SLC12A1: variants seen among roughly 807,000 people sequenced by gnomAD.
SLC12A1 encodes the protein Na-K-2Cl cotransporter.
A neutral mutation model predicts 130.4 loss-of-function variants in SLC12A1; 89 were observed. That is an observed-to-expected ratio of 0.68 (90% CI 0.58 to 0.81). The LOEUF (loss-of-function observed/expected upper bound fraction) is 0.81. Ranked by LOEUF, SLC12A1 falls within the 40% of genes least tolerant of loss-of-function variation. The probability of loss-of-function intolerance (pLI) is 0.00; values close to 1 mark genes in which losing one functional copy is unlikely to be tolerated. For synonymous variants in SLC12A1, 499 were observed against 460.0 expected (o/e 1.08, Z -1.09); for missense variants, 1,310 against 1,336.4 (o/e 0.98, Z 0.31).
intron 20 of SLC12A1, among the ~76,000 whole-genome samples, chr15:48,275,878 T>C (rs2041946773): frequency 1.3e-5 from 2 of 152,194 alleles, no homozygotes. Context: ...AATGAGGGAA[T>C]AAGGTGGTCA....
intron 2 of SLC12A1, among the ~76,000 whole-genome samples, chr15:48,210,672 T>C (rs1370088035): frequency 7.1e-6 from 1 of 140,798 alleles, no homozygotes; most frequent in East Asian, 2.1e-4. Context: ...CATGACCAAC[T>C]GGTGAAATCT....
chr15:48,208,464 C>T (rs1450270770), intron 2 of SLC12A1, among the ~76,000 whole-genome samples: 2 of 152,062 alleles, frequency 1.3e-5, no homozygotes, highest in African/African-American at 4.8e-5. Context: ...AGGCATGCAC[C>T]ACCACACCTG....
At chr15:48,208,672 A>G (rs2041012690) in intron 2 of SLC12A1, among the ~76,000 whole-genome samples, 1 of 152,196 alleles carries the variant, frequency 6.6e-6, no homozygotes, top group Non-Finnish European at 1.5e-5. Flanking sequence ...ATGTTAGGCA[A>G]TATGTTGTAC....
At chr15:48,253,673 A>T (rs2041672277) in intron 15 of SLC12A1, among the ~76,000 whole-genome samples, 1 of 152,212 alleles carries the variant, frequency 6.6e-6, no homozygotes, top group South Asian at 2.1e-4. Flanking sequence ...CCTTGGGTAA[A>T]TATCTAGTAG....
At chr15:48,213,345 T>C (rs550949810) in intron 2 of SLC12A1, among the ~76,000 whole-genome samples, 1 of 152,308 alleles carries the variant, frequency 6.6e-6, no homozygotes, top group South Asian at 2.1e-4. Context: ...CAGTCCTTTT[T>C]TCTGAGACTG....
intron 23 of SLC12A1, among the ~76,000 whole-genome samples, chr15:48,289,457 G>A (rs2042097351): frequency 8.0e-6 from 1 of 124,318 alleles, no homozygotes; most frequent in Non-Finnish European, 1.6e-5. Context: ...ACTGTATAAT[G>A]TATAATGTAT....
chr15:48,259,583 A>G (rs1597435842), intron 17 of SLC12A1, among the ~76,000 whole-genome samples: 2 of 152,338 alleles, frequency 1.3e-5, no homozygotes, highest in East Asian at 3.9e-4. Flanking sequence ...AGAAAAAGAT[A>G]GCTGGCTCAG....
chr15:48,218,785 G>C (rs2041160285), intron 2 of SLC12A1, among the ~76,000 whole-genome samples: 1 of 152,122 alleles, frequency 6.6e-6, no homozygotes, highest in African/African-American at 2.4e-5. Context: ...TCCTAGAAAA[G>C]AAAACTGTTT....
intron 4 of SLC12A1, chr15:48,225,994 C>T (rs1369400581): frequency 1.7e-6 from 1 of 576,378 alleles, no homozygotes; most frequent in Admixed American, 6.3e-5. Context: ...GTAAAGGCAA[C>T]ACAGGCTCTA....
intron 2 of SLC12A1, among the ~76,000 whole-genome samples, chr15:48,217,495 G>A (rs2041138135): frequency 3.9e-5 from 6 of 152,094 alleles, no homozygotes; most frequent in Non-Finnish European, 7.4e-5. Context: ...GGATATCTAA[G>A]ATTAACATAT....
rs2042123203 is a variant in SLC12A1 at position 48,291,718 on chromosome 15, C to G, written c.2874-60C>G. ...TTGATATCTTAACTCAAACAAAAAACTCTTTGATTGAAAATAGTTAAATAT... is the reference window on the plus strand; with the variant it reads ...TTGATATCTTAACTCAAACAAAAAAGTCTTTGATTGAAAATAGTTAAATAT... On this transcript the variant is annotated intron_variant, in intron 23 of 26. Coordinates refer to ENST00000380993, the MANE Select transcript of SLC12A1 (RefSeq NM_000338.3). The G allele has an allele frequency of 1.0e-5, 11 of 1,047,632 alleles. No individual in the cohort carries two copies. In the South Asian group the frequency reaches 1.5e-4, roughly 15 times the overall value. 64.9% of individuals were successfully genotyped at this position (1,047,632 alleles called of 1,614,324 possible).
At chr15:48,261,073 T>C (rs1157563342) in intron 17 of SLC12A1, among the ~76,000 whole-genome samples, 1 of 152,184 alleles carries the variant, frequency 6.6e-6, no homozygotes, top group Non-Finnish European at 1.5e-5. Context: ...CTCTCTCATA[T>C]TATCAACTCT....
At chr15:48,299,458 T>G (rs1287235025) in intron 25 of SLC12A1, among the ~76,000 whole-genome samples, 183 bp downstream of exon 25, 1 of 152,246 alleles carries the variant, frequency 6.6e-6, no homozygotes, top group Admixed American at 6.5e-5. Context: ...GAAAACTTTT[T>G]CATTTTTTCC....
intron 25 of SLC12A1, among the ~76,000 whole-genome samples, chr15:48,299,744 C>T (rs2042212949): frequency 6.6e-6 from 1 of 152,184 alleles, no homozygotes; most frequent in African/African-American, 2.4e-5. Flanking sequence ...GAAGCTGGAT[C>T]CAGCACACAT....
intron 2 of SLC12A1, among the ~76,000 whole-genome samples, chr15:48,213,479 G>A (rs1371291037): frequency 2.6e-5 from 4 of 151,068 alleles, no homozygotes; most frequent in African/African-American, 9.8e-5. Context: ...GAGTTAAAGT[G>A]ACTTGACCTC....
intron 13 of SLC12A1, among the ~76,000 whole-genome samples, chr15:48,248,316 G>T (rs1408496704): frequency 1.3e-5 from 2 of 152,182 alleles, no homozygotes; most frequent in Admixed American, 6.5e-5. Flanking sequence ...CTCTGTGTTT[G>T]TTAGATTTTT....
chr15:48,241,737 T>C (rs2041518765), intron 10 of SLC12A1, 138 bp downstream of exon 10: 8 of 669,322 alleles, frequency 1.2e-5, no homozygotes, highest in Middle Eastern at 2.7e-4. Flanking sequence ...GGTACCTTAA[T>C]GTTAATGATG....
At chr15:48,259,551 C>A (rs542671112) in intron 17 of SLC12A1, among the ~76,000 whole-genome samples, 1 of 152,266 alleles carries the variant, frequency 6.6e-6, no homozygotes, top group Admixed American at 6.5e-5. Flanking sequence ...ACAAATATTT[C>A]CAAATGATGG....
At position 48,302,986 on chromosome 15, in the gene SLC12A1, C is replaced by A. The variant is rs55707440; in HGVS notation, c.*101C>A. On this transcript the variant is annotated 3_prime_UTR_variant, in exon 27 of 27. Coordinates refer to ENST00000380993, the MANE Select transcript of SLC12A1 (RefSeq NM_000338.3). ...AAATCTGATCTATGGATATGCAAAC[C>A]TCTGGAGAGGATCCTACCAGATTCT... The A allele has an allele frequency of 4.8e-3, 4,376 of 903,816 alleles. 153 individuals are homozygous for A. In the African/African-American group the frequency reaches 0.067, roughly 14 times the overall value. The allele number at this position is 903,816 out of a possible 1,614,324, so 56.0% of individuals were successfully genotyped here.
Sources: gnomAD v4.1 joint callset for allele counts (sites outside exome capture counted in the v4.1 genomes callset) on GRCh38, gnomAD v4.1.1 for gene constraint, MANE v1.5 for transcripts, NCBI Gene and HGNC (gene_info 2026-07-23, HGNC 2026-07-21) for gene names.